NEDD4: variants seen among roughly 807,000 people sequenced by gnomAD.
NEDD4 encodes the protein E3 ubiquitin-protein ligase NEDD4.
Under a neutral mutation model 144.9 loss-of-function variants are expected in NEDD4, and 99 were observed. The observed-to-expected ratio is 0.68, with a 90% CI of 0.58 to 0.81. The LOEUF (loss-of-function observed/expected upper bound fraction) is 0.81, where lower values mean the gene tolerates loss of function less well. Among genes scored for constraint, NEDD4 ranks in the 30% least tolerant of loss-of-function variants. NEDD4 has a pLI of 0.00. For synonymous variants in NEDD4, 318 were observed against 350.6 expected (o/e 0.91, Z 1.04); for missense variants, 985 against 1,065.9 (o/e 0.92, Z 1.06).
chr15:55,860,921 C>A, intron 9 of NEDD4, 143 bp from the exon 10 acceptor site: 1 of 695,196 alleles, frequency 1.4e-6, no homozygotes, highest in Admixed American at 2.7e-5. Flanking sequence ...TTTCAACATG[C>A]AAAGATTCAA....
At chr15:55,927,859 G>A (rs1291565634) in intron 4 of NEDD4, among the ~76,000 whole-genome samples, 1 of 152,136 alleles carries the variant, frequency 6.6e-6, no homozygotes, top group Non-Finnish European at 1.5e-5. Context: ...GAGGGAGACA[G>A]GGCTATAGAA....
At chr15:55,855,258 T>C (rs2034144434) in intron 12 of NEDD4, among the ~76,000 whole-genome samples, 1 of 152,160 alleles carries the variant, frequency 6.6e-6, no homozygotes, top group African/African-American at 2.4e-5. Flanking sequence ...TACCCTACTT[T>C]TCAAAGCTGA....
intron 5 of NEDD4, chr15:55,905,073 CAA>C (rs1430331629): frequency 5.9e-5 from 18 of 307,048 alleles, no homozygotes; most frequent in African/African-American, 4.7e-4. Flanking sequence ...GCCTGGGCAA[CAA>C]GAGCGAAATT....
intron 5 of NEDD4, among the ~76,000 whole-genome samples, chr15:55,918,434 A>G (rs917901014): frequency 7.9e-5 from 12 of 152,190 alleles, no homozygotes; most frequent in African/African-American, 2.7e-4. Flanking sequence ...AACTCCAGTA[A>G]TAAATATATA....
intron 5 of NEDD4, among the ~76,000 whole-genome samples, chr15:55,905,804 T>C (rs1335166131): frequency 1.3e-5 from 2 of 152,286 alleles, no homozygotes; most frequent in Non-Finnish European, 2.9e-5. Context: ...TTGCAAAAAT[T>C]TTCTCCCATT....
At position 55,842,099 on chromosome 15, in the gene NEDD4, C is replaced by A. The variant is rs200243140; in HGVS notation, c.1673G>T (p.Arg558Leu). Reference protein sequence around the residue: ...RRATVLEDSYRRIMGVKRADF... With the variant: ...RRATVLEDSYLRIMGVKRADF... Reference sequence around the variant, plus strand: ...TGCTCTCTTGACACCCATAATTCTCCGGTAAGAGTCTTCAAGAACAGTTGC... The same window carrying A: ...TGCTCTCTTGACACCCATAATTCTCAGGTAAGAGTCTTCAAGAACAGTTGC... Residue 558 changes from arginine (R) to leucine (L), a missense_variant, in exon 19 of 29, where the codon CGG (arginine) becomes CTG (leucine). Transcript: ENST00000435532. The A allele has an allele frequency of 3.1e-6, 5 of 1,614,128 alleles. No homozygotes were observed. Among genetic ancestry groups the A allele is most frequent in the Non-Finnish European group, 3.4e-6 (4 of 1,180,022 alleles).
intron 6 of NEDD4, among the ~76,000 whole-genome samples, chr15:55,873,615 T>G (rs1595779868): frequency 6.6e-6 from 1 of 152,182 alleles, no homozygotes; most frequent in East Asian, 1.9e-4. Context: ...GTTTTATGTT[T>G]CCATTGTCGT....
chr15:55,884,112 T>G (rs1293903013), intron 5 of NEDD4, among the ~76,000 whole-genome samples: 1 of 152,116 alleles, frequency 6.6e-6, no homozygotes, highest in African/African-American at 2.4e-5. Flanking sequence ...ACTCCTGACC[T>G]CAAGTGATCC....
At chr15:55,980,778 T>C (rs76461481) in intron 1 of NEDD4, among the ~76,000 whole-genome samples, 1 of 151,990 alleles carries the variant, frequency 6.6e-6, no homozygotes, top group African/African-American at 2.4e-5. Context: ...CATTCATTTT[T>C]AGTGTGTGTG....
Position 55,848,860 on chromosome 15 carries a change from G to A in NEDD4, c.1374C>T (p.Ala458=). ...TWEDPRLKIP[A]HLRGKTSLDT... is the part of the protein sequence containing the mutation. ...CAAGTGATGTCTTTCCTCTCAGATG[G>A]GCTGGAATTTTCAATCTTGGATCTT... The change falls in exon 15 of 29, where the codon GCC becomes GCT. Residue 458 remains alanine (A), a synonymous_variant. Transcript: ENST00000435532. The A allele has an allele frequency of 6.2e-7, 1 of 1,613,630 alleles. No homozygotes were observed.
At chr15:55,845,042 A>G (rs1281091649) in intron 18 of NEDD4, among the ~76,000 whole-genome samples, 2 of 152,082 alleles carry the variant, frequency 1.3e-5, no homozygotes, top group Non-Finnish European at 2.9e-5. Flanking sequence ...CTCTTTTGCT[A>G]TGATGTGTCT....
intron 5 of NEDD4, among the ~76,000 whole-genome samples, chr15:55,879,228 G>A (rs1428802818): frequency 6.6e-6 from 1 of 152,212 alleles, no homozygotes; most frequent in African/African-American, 2.4e-5. Context: ...AAGAGTAGAT[G>A]ACAGCAGAGA....
chr15:55,929,398 T>C (rs555482789), intron 4 of NEDD4, among the ~76,000 whole-genome samples: 3 of 152,260 alleles, frequency 2.0e-5, no homozygotes, highest in African/African-American at 7.2e-5. Context: ...ATAAACTGTG[T>C]GGTATGGGTT....
At chr15:55,954,681 C>T (rs1316595003) in intron 2 of NEDD4, among the ~76,000 whole-genome samples, 1 of 151,984 alleles carries the variant, frequency 6.6e-6, no homozygotes, top group Non-Finnish European at 1.5e-5. Context: ...TGCATCACCA[C>T]ACCTGGCTAA....
intron 7 of NEDD4, 115 bp downstream of exon 7, chr15:55,872,297 ATAT>A (rs1412452242): frequency 1.4e-5 from 4 of 278,742 alleles, no homozygotes; most frequent in Non-Finnish European, 2.8e-5. Context: ...AATAATAATA[ATAT>A]TTAGAAGTAA....
chr15:55,883,704 C>A (rs1041947423), intron 5 of NEDD4, among the ~76,000 whole-genome samples: 14 of 142,748 alleles, frequency 9.8e-5, no homozygotes, highest in African/African-American at 4.2e-4. Context: ...CAAACACACA[C>A]ACACACACAC....
At chr15:55,888,030 T>C (rs1372460746) in intron 5 of NEDD4, among the ~76,000 whole-genome samples, 1 of 152,150 alleles carries the variant, frequency 6.6e-6, no homozygotes, top group Non-Finnish European at 1.5e-5. Flanking sequence ...GTGAATATCA[T>C]ACTGAATAGG....
rs56285555 is a variant in NEDD4, at chr15:55,974,891, CTTTTTTTTT to C, written c.46-8354_46-8346del. 4.0e-5 allele frequency among the ~76,000 whole-genome samples: 3 copies of C among 75,700 alleles called. 1 individual carries two copies. The highest frequency in any genetic ancestry group is 7.4e-5 in the Non-Finnish European group (3 of 40,754). 49.7% of individuals were successfully genotyped at this position (75,700 alleles called of 152,430 possible). On this transcript the variant is annotated intron_variant, in intron 1 of 28. Coordinates refer to ENST00000435532, the MANE Select transcript of NEDD4 (RefSeq NM_006154.4). ...TAAGGATGTCCATTTCTTTTCCTTT[CTTTTTTTTT>C]TTTTTTTTTTTTGAGATGGAGTCTT...
intron 5 of NEDD4, among the ~76,000 whole-genome samples, chr15:55,875,964 T>C (rs72732282): frequency 0.19 from 28,960 of 152,094 alleles, 3,612 homozygotes; most frequent in Non-Finnish European, 0.28. Context: ...AGGCACACCA[T>C]TATTAAACGC....
Sources: gnomAD v4.1 joint callset for allele counts (sites outside exome capture counted in the v4.1 genomes callset) on GRCh38, gnomAD v4.1.1 for gene constraint, MANE v1.5 for transcripts, NCBI Gene and HGNC (gene_info 2026-07-23, HGNC 2026-07-21) for gene names.